FHIT: variants seen among roughly 807,000 people sequenced by gnomAD.
FHIT encodes fragile histidine triad diadenosine triphosphatase.
A neutral mutation model predicts 17.9 loss-of-function variants in FHIT; 19 were observed. The observed-to-expected ratio is 1.06, with a 90% CI of 0.74 to 1.56. The LOEUF (loss-of-function observed/expected upper bound fraction) is 1.56, where lower values mean the gene tolerates loss of function less well. Ranked by LOEUF, FHIT falls within the 40% of genes most tolerant of loss-of-function variation. The pLI, the probability that FHIT is intolerant of heterozygous loss-of-function variation, is 0.00. For missense variants in FHIT, 248 were observed against 189.2 expected, an observed-to-expected ratio of 1.31 and a Z score of -1.82; for synonymous variants, 81 against 69.7, an observed-to-expected ratio of 1.16 and a Z score of -0.81.
chr3:60,235,708 G>A (rs1030656897), intron 5 of FHIT, among the ~76,000 whole-genome samples: 3 of 151,964 alleles, frequency 2.0e-5, no homozygotes, highest in Admixed American at 6.6e-5. Context: ...TTTTATAAAG[G>A]GAAGCTTGAA....
chr3:60,228,742 A>G (rs569785051), intron 5 of FHIT, among the ~76,000 whole-genome samples: 2 of 152,340 alleles, frequency 1.3e-5, no homozygotes, highest in Admixed American at 1.3e-4. Context: ...AAACAATATT[A>G]GATACCAACC....
chr3:60,100,254 G>A (rs1011878745), intron 5 of FHIT, among the ~76,000 whole-genome samples: 3 of 152,054 alleles, frequency 2.0e-5, no homozygotes, highest in Admixed American at 2.0e-4. Flanking sequence ...CATGGTGGTG[G>A]ACGCCTGTAG....
At chr3:61,123,207 T>C (rs1457570782) in intron 2 of FHIT, among the ~76,000 whole-genome samples, 3 of 152,138 alleles carry the variant, frequency 2.0e-5, no homozygotes, top group African/African-American at 7.2e-5. Context: ...TGCAGGGACA[T>C]GGATGAAGCT....
At chr3:60,664,096 G>C (rs2040325715) in intron 4 of FHIT, among the ~76,000 whole-genome samples, 1 of 152,142 alleles carries the variant, frequency 6.6e-6, no homozygotes, top group Non-Finnish European at 1.5e-5. Context: ...ATGCTCTTTA[G>C]CAAGTCGAGA....
intron 8 of FHIT, among the ~76,000 whole-genome samples, chr3:59,812,192 A>G (rs1300351009): frequency 6.6e-6 from 1 of 152,154 alleles, no homozygotes; most frequent in African/African-American, 2.4e-5. Flanking sequence ...CTCCTCAACA[A>G]AGATGATCTG....
At chr3:60,863,812 A>G (rs146043742) in intron 3 of FHIT, among the ~76,000 whole-genome samples, 85 of 152,330 alleles carry the variant, frequency 5.6e-4, no homozygotes, top group African/African-American at 2.0e-3. Context: ...TTATAAAACT[A>G]TCAGTAAAAG....
chr3:60,334,779 CAG>C (rs2106870310), intron 5 of FHIT, among the ~76,000 whole-genome samples: 1 of 152,280 alleles, frequency 6.6e-6, no homozygotes, highest in South Asian at 2.1e-4. Flanking sequence ...GCCTGGGCGA[CAG>C]AGAGAGACTC....
intron 8 of FHIT, among the ~76,000 whole-genome samples, chr3:59,816,075 G>T (rs1334886254): frequency 2.0e-5 from 3 of 152,136 alleles, no homozygotes; most frequent in East Asian, 3.9e-4. Flanking sequence ...ACAAAGAAAG[G>T]CCTGCCCAGG....
chr3:60,865,732 C>T (rs1257110581), intron 3 of FHIT, among the ~76,000 whole-genome samples: 2 of 152,096 alleles, frequency 1.3e-5, no homozygotes, highest in Non-Finnish European at 2.9e-5. Flanking sequence ...TGCTTATTCT[C>T]ATTTTTCCCT....
chr3:60,061,129 G>A (rs1237205383), intron 5 of FHIT, among the ~76,000 whole-genome samples: 1 of 152,188 alleles, frequency 6.6e-6, no homozygotes, highest in Non-Finnish European at 1.5e-5. Flanking sequence ...AATAGGATGG[G>A]GAAAGAGTGT....
intron 5 of FHIT, among the ~76,000 whole-genome samples, chr3:60,529,149 T>G (rs2035679205): frequency 6.6e-6 from 1 of 152,174 alleles, no homozygotes; most frequent in African/African-American, 2.4e-5. Flanking sequence ...CCAGAAGCTA[T>G]TTGCAAATTT....
intron 4 of FHIT, among the ~76,000 whole-genome samples, chr3:60,707,934 C>T (rs1399361308): frequency 1.3e-5 from 2 of 152,114 alleles, no homozygotes; most frequent in Non-Finnish European, 2.9e-5. Flanking sequence ...AGTTTTAAAA[C>T]TCTGTGTGGC....
intron 4 of FHIT, among the ~76,000 whole-genome samples, chr3:60,708,327 C>A (rs1292848279): frequency 2.6e-5 from 4 of 152,136 alleles, no homozygotes; most frequent in Non-Finnish European, 5.9e-5. Context: ...CTAACCATTA[C>A]ATGGAAAGAA....
At chr3:59,785,312 C>CT (rs35748189) in intron 8 of FHIT, among the ~76,000 whole-genome samples, 35,357 of 133,314 alleles carry the variant, frequency 0.27, 4,881 homozygotes, top group South Asian at 0.43. Flanking sequence ...GCAATCTTGC[C>CT]TTTTTTTTTT....
intron 4 of FHIT, among the ~76,000 whole-genome samples, chr3:60,704,552 G>A (rs1222225937): frequency 2.0e-5 from 3 of 152,228 alleles, no homozygotes; most frequent in Middle Eastern, 3.4e-3. Context: ...TGATCTAAAT[G>A]ACATTTCAAG....
intron 3 of FHIT, among the ~76,000 whole-genome samples, chr3:60,854,609 T>A (rs1406448449): frequency 1.3e-5 from 2 of 151,226 alleles, no homozygotes; most frequent in African/African-American, 4.9e-5. Context: ...ACTTTCATTG[T>A]CATAGACGGC....
intron 4 of FHIT, among the ~76,000 whole-genome samples, chr3:60,628,056 T>A (rs2039339828): frequency 6.6e-6 from 1 of 152,228 alleles, no homozygotes; most frequent in South Asian, 2.1e-4. Flanking sequence ...GGTTACTGAT[T>A]TGAGATTTTT....
rs1297071306 is a variant in FHIT, at chr3:59,836,893, T to C, written c.349-84572A>G. Among the ~76,000 whole-genome samples the C allele has an allele frequency of 5.3e-5, 8 of 152,266 alleles. No individual in the cohort carries two copies. In the South Asian group the frequency reaches 1.5e-3, roughly 28 times the overall value. Reference sequence around the variant, plus strand: ...CCTGCAAAGGCAGAATGGCCCAGGATTGTAATTAAGACACTTTCTTACCTT... The same window carrying C: ...CCTGCAAAGGCAGAATGGCCCAGGACTGTAATTAAGACACTTTCTTACCTT... On this transcript the variant is annotated intron_variant, in intron 8 of 9. Transcript: ENST00000492590.
chr3:60,505,481 CT>C (rs1559498812), intron 5 of FHIT, among the ~76,000 whole-genome samples: 2 of 152,170 alleles, frequency 1.3e-5, no homozygotes, highest in African/African-American at 2.4e-5. Flanking sequence ...CCTAAAACTT[CT>C]TTTAAAACAT....
Sources: allele counts gnomAD v4.1 joint callset (sites outside exome capture counted in the v4.1 genomes callset), GRCh38; gene constraint gnomAD v4.1.1; transcripts MANE v1.5; gene names NCBI Gene and HGNC (gene_info 2026-07-23, HGNC 2026-07-21).